The following JAK3 variants were observed in gnomAD, a reference collection of about 807,000 sequenced individuals.
JAK3 encodes Janus kinase 3.
Under a neutral mutation model 120.8 loss-of-function variants are expected in JAK3, and 88 were observed. The ratio of observed to expected loss-of-function variants is 0.73; its 90% CI spans 0.61 to 0.87. JAK3 has a LOEUF of 0.87. JAK3 is among the 40% of genes least tolerant of loss of function. The probability of loss-of-function intolerance (pLI) is 0.00; values close to 1 mark genes in which losing one functional copy is unlikely to be tolerated. For synonymous variants in JAK3, 592 were observed against 628.6 expected (o/e 0.94, Z 0.87); for missense variants, 1,254 against 1,501.4 (o/e 0.84, Z 2.72).
intron 1 of JAK3, among the ~76,000 whole-genome samples, chr19:17,846,603 G>C (rs2094252660): frequency 6.6e-6 from 1 of 152,140 alleles, no homozygotes; most frequent in Admixed American, 6.5e-5. Context: ...TTGTTTTTTT[G>C]AGACGGAGTC....
rs1170959087 is a variant in JAK3 at position 17,826,209 on chromosome 19, C to A, written c.*534G>T. The A allele has an allele frequency of 6.2e-6, 1 of 160,188 alleles. No individual in the cohort carries two copies. The highest frequency in any genetic ancestry group is 1.4e-5 in the Non-Finnish European group (1 of 73,206). The allele number at this position is 160,188 out of a possible 1,614,324, so 9.9% of individuals were successfully genotyped here. On this transcript the variant is annotated 3_prime_UTR_variant, in exon 24 of 24. Coordinates refer to ENST00000458235, the MANE Select transcript of JAK3 (RefSeq NM_000215.4). ...GATCAGCCTGGCCATCATGGTGAAACCTCATCTCTATTAAAAATAAAAAAA... is the reference window on the plus strand; with the variant it reads ...GATCAGCCTGGCCATCATGGTGAAAACTCATCTCTATTAAAAATAAAAAAA...
chr19:17,835,647 C>T (rs1049396727), intron 14 of JAK3, among the ~76,000 whole-genome samples: 1 of 152,174 alleles, frequency 6.6e-6, no homozygotes, highest in Non-Finnish European at 1.5e-5. Context: ...CCTTTCTTCT[C>T]TTGATGAACT....
chr19:17,839,429 G>T, intron 10 of JAK3, 48 bp downstream of exon 10: 1 of 1,525,036 alleles, frequency 6.6e-7, no homozygotes, highest in Non-Finnish European at 8.9e-7. Flanking sequence ...GACATAGAAA[G>T]CCAGGGTCCC....
chr19:17,837,719 AT>A (rs1198444813), intron 12 of JAK3, among the ~76,000 whole-genome samples: 6 of 148,792 alleles, frequency 4.0e-5, no homozygotes, highest in African/African-American at 1.3e-4. Flanking sequence ...CCGGCCTAAA[AT>A]TTTTTTGTCA....
At chr19:17,845,905 C>T (rs995030357) in intron 1 of JAK3, among the ~76,000 whole-genome samples, 13 of 152,032 alleles carry the variant, frequency 8.6e-5, no homozygotes, top group Admixed American at 6.6e-4. Context: ...GCTTACTCTG[C>T]ATCCTGGGTT....
intron 17 of JAK3, among the ~76,000 whole-genome samples, chr19:17,834,272 G>T (rs2094219774): frequency 6.6e-6 from 1 of 151,872 alleles, no homozygotes; most frequent in Admixed American, 6.6e-5. Context: ...GCTTGAACTA[G>T]AGGTTCAAGG....
chr19:17,826,210 C>T lies in JAK3; in HGVS notation c.*533G>A, dbSNP rs1465232884. ...ATCAGCCTGGCCATCATGGTGAAACCTCATCTCTATTAAAAATAAAAAAAA... is the reference window on the plus strand; with the variant it reads ...ATCAGCCTGGCCATCATGGTGAAACTTCATCTCTATTAAAAATAAAAAAAA... On this transcript the variant is annotated 3_prime_UTR_variant, in exon 24 of 24. Coordinates refer to ENST00000458235, the MANE Select transcript of JAK3 (RefSeq NM_000215.4). 6.2e-6 allele frequency: 1 copy of T among 160,856 alleles called. No homozygotes were observed. Among genetic ancestry groups the T allele is most frequent in the Non-Finnish European group, 1.4e-5 (1 of 73,456 alleles). The allele number at this position is 160,856 out of a possible 1,614,324, so 10.0% of individuals were successfully genotyped here. A position where few individuals can be genotyped will look rare whatever the true frequency, so the allele number is the denominator to read the frequency against.
intron 17 of JAK3, among the ~76,000 whole-genome samples, chr19:17,833,250 G>A (rs2094217711): frequency 1.3e-5 from 2 of 152,346 alleles, no homozygotes; most frequent in African/African-American, 2.4e-5. Context: ...TGATGGACAA[G>A]ATATGCTGGG....
chr19:17,826,893 C>T lies in JAK3; in HGVS notation c.3225G>A (p.Lys1075=), dbSNP rs2094204914. 1 of 1,611,446 alleles carries T rather than the reference C, an allele frequency of 6.2e-7. No individual in the cohort carries two copies. Residue 1075 remains lysine, a synonymous_variant, in exon 24 of 24, where the codon AAG becomes AAA. Transcript: ENST00000458235. ...ACPAEVHELM[K]LCWAPSPQDR... is the part of the protein sequence containing the mutation. Reference sequence around the variant, plus strand: ...CCTGTGGGCTAGGGGCCCAGCACAGCTTCATGAGCTCGTGAACCTGAGGGG... The same window carrying T: ...CCTGTGGGCTAGGGGCCCAGCACAGTTTCATGAGCTCGTGAACCTGAGGGG...
intron 14 of JAK3, 85 bp from the exon 15 acceptor site, chr19:17,835,300 A>G (rs1448968709): frequency 2.6e-6 from 4 of 1,517,860 alleles, no homozygotes; most frequent in Non-Finnish European, 3.6e-6. Context: ...ATCCTTCAAA[A>G]CCCACTTGGT....
At chr19:17,839,748 T>C in intron 9 of JAK3, 85 bp from the exon 10 acceptor site, 2 of 1,295,250 alleles carry the variant, frequency 1.5e-6, no homozygotes, top group Middle Eastern at 2.6e-4. Flanking sequence ...CTTTTTTTTT[T>C]TTTTTTTTTG....
chr19:17,842,297 C>G lies in JAK3; in HGVS notation c.861+19G>C, dbSNP rs1568406914. 1.3e-6 allele frequency: 2 copies of G among 1,547,332 alleles called. No individual in the cohort carries two copies. The highest frequency in any genetic ancestry group is 3.7e-5 in the Admixed American group (2 of 53,776). On this transcript the variant is annotated intron_variant, in intron 6 of 23. Transcript: ENST00000458235. This position sits in a 1 kb window ranked among gnomAD's most constrained non-coding sequence, Gnocchi z 6.4. Reference sequence around the variant, plus strand: ...CCGCCCCCACGTTGGCCCCGCCCAGCGGGGGAGTCCGCCCTCACCTCCTGT... The same window carrying G: ...CCGCCCCCACGTTGGCCCCGCCCAGGGGGGGAGTCCGCCCTCACCTCCTGT...
In JAK3 at chr19:17,825,599, A is replaced by G; in HGVS notation, c.*1144T>C. ...GAGATCGGGGAGCAGAAGTCAGATCATACATTTAAAGCTACATGAGGGCCG... is the reference window on the plus strand; with the variant it reads ...GAGATCGGGGAGCAGAAGTCAGATCGTACATTTAAAGCTACATGAGGGCCG... On this transcript the variant is annotated 3_prime_UTR_variant, in exon 24 of 24. Coordinates refer to ENST00000458235, the MANE Select transcript of JAK3 (RefSeq NM_000215.4). 5.4e-6 allele frequency: 1 copy of G among 186,896 alleles called. No homozygotes were observed. Among genetic ancestry groups the G allele is most frequent in the Non-Finnish European group, 1.1e-5 (1 of 88,440 alleles). The allele number at this position is 186,896 out of a possible 1,614,324, so 11.6% of individuals were successfully genotyped here.
At position 17,842,470 on chromosome 19, in the gene JAK3, G is replaced by C; in HGVS notation, c.707C>G (p.Ala236Gly). 1 of 1,599,424 alleles carries C rather than the reference G, an allele frequency of 6.3e-7. No homozygotes were observed. Residue 236 changes from alanine (A) to glycine (G), a missense_variant, in exon 6 of 24, where the codon GCC becomes GGC. By Grantham distance (60) the Ala-to-Gly change is moderately conservative. Around this residue, in one of 3 missense-constraint regions of JAK3, gnomAD observed 486 missense variants for 503.0 expected, o/e 0.97. Coordinates refer to ENST00000458235, the MANE Select transcript of JAK3 (RefSeq NM_000215.4). This position sits in a 1 kb window ranked among gnomAD's most constrained non-coding sequence, Gnocchi z 6.4. ...CCGCTCCAGGTCCATGATGTACTTG[G>C]CCATGAGCGAGTGCCGGTCTGCCTG... ...ACQADRHSLM[A>G]KYIMDLERLD...
Position 17,842,686 on chromosome 19 carries a change from CT to C in JAK3, c.567-77del, listed in dbSNP as rs2147698258. On this transcript the variant is annotated intron_variant, in intron 5 of 23. Coordinates refer to ENST00000458235, the MANE Select transcript of JAK3 (RefSeq NM_000215.4). This position sits in a 1 kb window ranked among gnomAD's most constrained non-coding sequence, Gnocchi z 6.4. ...CCGCGGGGACACACACAAACCCAGG[CT>C]TTAGCCCAGGGGCTGGGGTGCGGCC... 1 of 1,422,610 alleles carries C rather than the reference CT, an allele frequency of 7.0e-7. No individual in the cohort carries two copies. Among genetic ancestry groups the C allele is most frequent in the South Asian group, 1.4e-5 (1 of 70,432 alleles). 88.1% of individuals were successfully genotyped at this position (1,422,610 alleles called of 1,614,324 possible). A position where few individuals can be genotyped will look rare whatever the true frequency, so the allele number is the denominator to read the frequency against.
chr19:17,842,193 A>G lies in JAK3; in HGVS notation c.861+123T>C. ...CCCTCACTAAGCCCCGCCCCTCATTAAGCCTCGCCCACTTCCCCAAGTCTT... is the reference window on the plus strand; with the variant it reads ...CCCTCACTAAGCCCCGCCCCTCATTGAGCCTCGCCCACTTCCCCAAGTCTT... On this transcript the variant is annotated intron_variant, in intron 6 of 23. Coordinates refer to ENST00000458235, the MANE Select transcript of JAK3 (RefSeq NM_000215.4). The surrounding 1 kb of genome is among the most constrained non-coding windows in gnomAD (Gnocchi z 6.4). 1 of 1,092,236 alleles carries G rather than the reference A, an allele frequency of 9.2e-7. No homozygotes were observed. The highest frequency in any genetic ancestry group is 1.3e-6 in the Non-Finnish European group (1 of 790,164). The allele number at this position is 1,092,236 out of a possible 1,614,324, so 67.7% of individuals were successfully genotyped here.
Position 17,838,283 on chromosome 19 carries a change from G to T in JAK3, c.1549C>A (p.Pro517Thr). 1 of 1,614,106 alleles carries T rather than the reference G, an allele frequency of 6.2e-7. No homozygotes were observed. The highest frequency in any genetic ancestry group is 8.5e-7 in the Non-Finnish European group (1 of 1,180,030). ...CTTACCCACTCCAGGCTGTCAGCAGGGATCTTGTGAAATGTCATCTGACTC... is the reference window on the plus strand; with the variant it reads ...CTTACCCACTCCAGGCTGTCAGCAGTGATCTTGTGAAATGTCATCTGACTC... The part of the protein sequence containing the change: ...QLSQMTFHKI[P>T]ADSLEWHENL... Residue 517 changes from proline (P) to threonine (T), a missense_variant, in exon 11 of 24, where the codon CCT (proline) becomes ACT (threonine). Physicochemically the swap from Pro to Thr is conservative, Grantham distance 38. Around this residue, in one of 3 missense-constraint regions of JAK3, gnomAD observed 630 missense variants for 819.8 expected, o/e 0.77. Coordinates refer to ENST00000458235, the MANE Select transcript of JAK3 (RefSeq NM_000215.4).
chr19:17,832,453 G>T lies in JAK3; in HGVS notation c.2680+66C>A. The T allele has an allele frequency of 6.6e-7, 1 of 1,522,512 alleles. No homozygotes were observed. The highest frequency in any genetic ancestry group is 9.1e-7 in the Non-Finnish European group (1 of 1,097,184). 94.3% of individuals were successfully genotyped at this position (1,522,512 alleles called of 1,614,324 possible). ...GCCTACCTAAAGTGGCCTGGCAGGA[G>T]GGTAAGAATGTGCACTTTGAAAAGC... is the stretch of plus-strand genomic sequence containing the variant. On this transcript the variant is annotated intron_variant, in intron 19 of 23. Transcript: ENST00000458235. This position sits in a 1 kb window ranked among gnomAD's most constrained non-coding sequence, Gnocchi z 4.7.
rs2147692747 is a variant in JAK3, at chr19:17,840,267, TG to T, written c.1216del (p.Gln406ArgfsTer59). 6.2e-7 allele frequency: 1 copy of T among 1,613,868 alleles called. No homozygotes were observed. Reference protein sequence around the residue: ...PGSYVLRRSPQDFDSFLLTVC... With the variant: ...PGSYVLRRSPXDFDSFLLTVC... ...AGTGAGGAGGAAGCTGTCAAAGTCCTGGGGGCTGCGGCGGAGAACATAGGAG... is the reference window on the plus strand; with the variant it reads ...AGTGAGGAGGAAGCTGTCAAAGTCCTGGGGCTGCGGCGGAGAACATAGGAG... On this transcript the variant is annotated frameshift_variant, in exon 9 of 24. Coordinates refer to ENST00000458235, the MANE Select transcript of JAK3 (RefSeq NM_000215.4). LOFTEE classifies it high-confidence loss of function.
Sources: gnomAD v4.1 joint callset for allele counts (sites outside exome capture counted in the v4.1 genomes callset) on GRCh38, gnomAD v4.1.1 for gene constraint, gnomAD v4.1.1 regional missense constraint, Gnocchi (gnomAD v3.1) non-coding constraint, MANE v1.5 for transcripts, NCBI Gene and HGNC (gene_info 2026-07-23, HGNC 2026-07-21) for gene names.